The following CNTN5 variants were observed in gnomAD, a reference collection of about 807,000 sequenced individuals.
The protein encoded by CNTN5 is contactin-5.
CNTN5 carries 77 observed loss-of-function variants against 129.1 expected under a neutral mutation model. The ratio of observed to expected loss-of-function variants is 0.60; its 90% CI spans 0.50 to 0.72. The LOEUF (loss-of-function observed/expected upper bound fraction) is 0.72. Ranked by LOEUF, CNTN5 falls within the 30% of genes least tolerant of loss-of-function variation. The pLI is 0.00. For missense variants in CNTN5, 1,478 were observed against 1,328.8 expected, an observed-to-expected ratio of 1.11 and a Z score of -1.75; for synonymous variants, 509 against 465.6, an observed-to-expected ratio of 1.09 and a Z score of -1.20.
At chr11:99,669,441 GGTGT>G (rs767426378) in intron 3 of CNTN5, among the ~76,000 whole-genome samples, 6,250 of 105,954 alleles carry the variant, frequency 0.059, 170 homozygotes, top group South Asian at 0.13. Context: ...TATTAAATAT[GGTGT>G]GTGTGTGTGT....
intron 2 of CNTN5, among the ~76,000 whole-genome samples, chr11:99,471,754 A>C (rs971539045): frequency 4.6e-5 from 7 of 152,052 alleles, no homozygotes; most frequent in African/African-American, 1.7e-4. Context: ...TGTGTTCTTC[A>C]ATAGCATTTT....
intron 6 of CNTN5, among the ~76,000 whole-genome samples, chr11:99,872,244 A>T (rs1948521728): frequency 6.6e-6 from 1 of 152,098 alleles, no homozygotes; most frequent in Non-Finnish European, 1.5e-5. Context: ...AATGAAAAAA[A>T]ATTTGAAATT....
chr11:99,478,326 G>A (rs1945460636), intron 2 of CNTN5, among the ~76,000 whole-genome samples: 1 of 152,128 alleles, frequency 6.6e-6, no homozygotes, highest in South Asian at 2.1e-4. Flanking sequence ...TGGACTGAGG[G>A]TCTTTGGCTG....
intron 13 of CNTN5, among the ~76,000 whole-genome samples, chr11:100,152,217 G>A (rs140986088): frequency 1.8e-4 from 28 of 152,146 alleles, no homozygotes; most frequent in African/African-American, 5.1e-4. Flanking sequence ...CACTTGGTGC[G>A]TTCTTTTAGG....
intron 2 of CNTN5, among the ~76,000 whole-genome samples, chr11:99,434,188 G>A (rs976972281): frequency 2.0e-5 from 3 of 152,034 alleles, no homozygotes; most frequent in Admixed American, 2.0e-4. Flanking sequence ...TGTATTATTT[G>A]GCACCACAGC....
At chr11:99,542,352 C>G (rs1468972689) in intron 2 of CNTN5, among the ~76,000 whole-genome samples, 1 of 152,180 alleles carries the variant, frequency 6.6e-6, no homozygotes, top group South Asian at 2.1e-4. Flanking sequence ...CTGGTAACCA[C>G]TGTTCTGTTC....
intron 2 of CNTN5, among the ~76,000 whole-genome samples, chr11:99,330,083 T>TA (rs542148355): frequency 1.2e-3 from 127 of 109,138 alleles, no homozygotes; most frequent in Middle Eastern, 5.3e-3. Context: ...TCGTAAGACT[T>TA]AAAAAAAAAA....
intron 8 of CNTN5, among the ~76,000 whole-genome samples, chr11:99,974,134 C>A (rs1289397258): frequency 3.3e-5 from 5 of 152,208 alleles, no homozygotes; most frequent in African/African-American, 4.8e-5. Context: ...AGCCACTATG[C>A]TAAAAGCATT....
At chr11:100,029,568 G>A (rs901624489) in intron 9 of CNTN5, among the ~76,000 whole-genome samples, 2 of 151,188 alleles carry the variant, frequency 1.3e-5, no homozygotes, top group African/African-American at 2.4e-5. Context: ...GGGCAACAGC[G>A]AGACTCCATC....
At chr11:99,056,464 T>C (rs1864628916) in intron 1 of CNTN5, among the ~76,000 whole-genome samples, 1 of 151,978 alleles carries the variant, frequency 6.6e-6, no homozygotes, top group East Asian at 1.9e-4. Context: ...TACATATCAA[T>C]AGAACAGTTT....
chr11:100,345,823 T>C (rs1157912373), intron 23 of CNTN5, among the ~76,000 whole-genome samples: 6 of 152,134 alleles, frequency 3.9e-5, no homozygotes, highest in Non-Finnish European at 7.4e-5. Context: ...CCAGATTTAA[T>C]AGTAATAATT....
intron 16 of CNTN5, among the ~76,000 whole-genome samples, chr11:100,252,539 T>C (rs1322947560): frequency 6.6e-6 from 1 of 152,168 alleles, no homozygotes; most frequent in African/African-American, 2.4e-5. Context: ...GTAGTTTTAT[T>C]GTTTCTGGTC....
rs544472164 is a variant in CNTN5 at position 99,727,748 on chromosome 11, TA to T, written c.56-91794del. 3.6e-3 allele frequency among the ~76,000 whole-genome samples: 551 copies of T among 152,278 alleles called. 3 individuals carry two copies. Among genetic ancestry groups the T allele is most frequent in the African/African-American group, 0.012 (499 of 41,574 alleles). On this transcript the variant is annotated intron_variant, in intron 3 of 24. Coordinates refer to ENST00000524871, the MANE Select transcript of CNTN5 (RefSeq NM_014361.4). ...TCACACTTAGTGCCATCCACATACA[TA>T]AGTTAATATAAAATAGAACACCATA...
At chr11:100,098,389 C>A (rs999959883) in intron 13 of CNTN5, among the ~76,000 whole-genome samples, 1 of 151,764 alleles carries the variant, frequency 6.6e-6, no homozygotes. Flanking sequence ...ATTAAGATTC[C>A]CAGGATATGA....
intron 2 of CNTN5, among the ~76,000 whole-genome samples, chr11:99,419,737 G>A: frequency 6.6e-6 from 1 of 152,230 alleles, no homozygotes; most frequent in South Asian, 2.1e-4. Flanking sequence ...GTAAATTTCT[G>A]ATGAAATACA....
chr11:99,302,459 A>T (rs1251457722), intron 1 of CNTN5, among the ~76,000 whole-genome samples: 1 of 151,784 alleles, frequency 6.6e-6, no homozygotes, highest in Non-Finnish European at 1.5e-5. Context: ...AAAATTAGAT[A>T]ACTTAGAGGA....
At chr11:99,392,615 T>G (rs765368579) in intron 2 of CNTN5, among the ~76,000 whole-genome samples, 18 of 151,842 alleles carry the variant, frequency 1.2e-4, no homozygotes, top group Non-Finnish European at 2.7e-4. Context: ...GAATAAAACC[T>G]CCACTGGTGA....
chr11:100,337,292 A>C, intron 21 of CNTN5: 1 of 1,136,900 alleles, frequency 8.8e-7, no homozygotes, highest in Non-Finnish European at 1.3e-6. Flanking sequence ...TTTATAAATC[A>C]TGCTCCTGGA....
At chr11:99,230,045 A>G (rs1244785592) in intron 1 of CNTN5, among the ~76,000 whole-genome samples, 1 of 152,070 alleles carries the variant, frequency 6.6e-6, no homozygotes, top group Admixed American at 6.6e-5. Context: ...ATTTTCCAAG[A>G]TTCTTTTTCT....
Sources: gnomAD v4.1 joint callset for allele counts (sites outside exome capture counted in the v4.1 genomes callset) on GRCh38, gnomAD v4.1.1 for gene constraint, MANE v1.5 for transcripts, NCBI Gene and HGNC (gene_info 2026-07-23, HGNC 2026-07-21) for gene names.